The following RALGPS1 variants were observed in gnomAD, a reference collection of about 807,000 sequenced individuals.
RALGPS1 encodes ras-specific guanine nucleotide-releasing factor RalGPS1.
A neutral mutation model predicts 78.8 loss-of-function variants in RALGPS1; 19 were observed. That is an observed-to-expected ratio of 0.24 (90% confidence interval 0.17 to 0.35). The LOEUF is 0.35. Among genes scored for constraint, RALGPS1 ranks in the 10% least tolerant of loss-of-function variants. The pLI is 1.00. For synonymous variants in RALGPS1, 228 were observed against 256.3 expected (o/e 0.89, Z 1.06); for missense variants, 454 against 688.3 (o/e 0.66, Z 3.81).
At chr9:126,982,026 A>G (rs1301020715) in intron 4 of RALGPS1, among the ~76,000 whole-genome samples, 3 of 152,174 alleles carry the variant, frequency 2.0e-5, no homozygotes, top group Non-Finnish European at 2.9e-5. Context: ...TGCCATGTGG[A>G]ACTGTTCAGA....
intron 1 of RALGPS1, among the ~76,000 whole-genome samples, chr9:126,917,663 G>T (rs1396153251): frequency 2.6e-5 from 4 of 152,224 alleles, no homozygotes; most frequent in Non-Finnish European, 4.4e-5. Flanking sequence ...CGGGAGGGGA[G>T]AAGGCACCTG....
At chr9:126,968,088 C>T (rs747089044) in intron 3 of RALGPS1, among the ~76,000 whole-genome samples, 26 of 151,340 alleles carry the variant, frequency 1.7e-4, no homozygotes, top group African/African-American at 5.6e-4. Flanking sequence ...CTGAAACTTC[C>T]GCCTCCCAGG....
chr9:127,073,018 A>G (rs553769040), intron 8 of RALGPS1, among the ~76,000 whole-genome samples: 2 of 152,232 alleles, frequency 1.3e-5, no homozygotes, highest in Admixed American at 6.5e-5. Flanking sequence ...CATAGAATGT[A>G]TAATAATCAA....
intron 8 of RALGPS1, among the ~76,000 whole-genome samples, chr9:127,092,452 T>TG (rs2052600503): frequency 6.6e-6 from 1 of 151,474 alleles, no homozygotes; most frequent in African/African-American, 2.4e-5. Flanking sequence ...TTGTGGTTAT[T>TG]GTTTTTTTTT....
At chr9:126,923,823 G>A (rs1224236957) in intron 1 of RALGPS1, among the ~76,000 whole-genome samples, 3 of 152,178 alleles carry the variant, frequency 2.0e-5, no homozygotes, top group African/African-American at 7.2e-5. Context: ...ACTACACCTG[G>A]CTGACAACCT....
chr9:127,175,241 C>G (rs548810147), intron 11 of RALGPS1, among the ~76,000 whole-genome samples: 20 of 152,282 alleles, frequency 1.3e-4, no homozygotes, highest in African/African-American at 4.6e-4. Flanking sequence ...ATACACTGTC[C>G]CCTAGTGATT....
chr9:127,151,513 A>T (rs1402549278), intron 8 of RALGPS1, among the ~76,000 whole-genome samples: 1 of 152,222 alleles, frequency 6.6e-6, no homozygotes, highest in East Asian at 1.9e-4. Flanking sequence ...CAGCTACCAT[A>T]CAGCATCATA....
intron 4 of RALGPS1, among the ~76,000 whole-genome samples, chr9:127,003,946 C>A (rs1247939123): frequency 2.6e-5 from 4 of 152,200 alleles, no homozygotes; most frequent in African/African-American, 9.7e-5. Context: ...GAGTTCACCT[C>A]AGCACATTTA....
Position 127,127,614 on chromosome 9 carries a change from GT to G in RALGPS1, c.611-38454del, listed in dbSNP as rs148320451. On this transcript the variant is annotated intron_variant, in intron 8 of 18. Transcript: ENST00000259351. ...CACTAGAAGGTGAAAGAGATGTACT[GT>G]CCTCACAAGCCCTGTTGGAGCACCT... is the stretch of plus-strand genomic sequence containing the variant. Among the ~76,000 whole-genome samples the G allele has an allele frequency of 4.9e-3, 741 of 152,288 alleles. 8 individuals carry two copies. The highest frequency in any genetic ancestry group is 0.017 in the African/African-American group (709 of 41,556).
intron 1 of RALGPS1, among the ~76,000 whole-genome samples, chr9:126,960,453 C>T (rs984307589): frequency 1.3e-5 from 2 of 151,838 alleles, no homozygotes; most frequent in African/African-American, 2.4e-5. Context: ...AGGCTGTTCT[C>T]GAACTCCTGA....
At chr9:127,005,022 ACT>A (rs1564402483) in intron 4 of RALGPS1, among the ~76,000 whole-genome samples, 1 of 152,224 alleles carries the variant, frequency 6.6e-6, no homozygotes, top group Non-Finnish European at 1.5e-5. Context: ...ATGCTGCTTA[ACT>A]TAGACATGAC....
chr9:126,997,212 G>A (rs971294972), intron 4 of RALGPS1, among the ~76,000 whole-genome samples: 1 of 152,146 alleles, frequency 6.6e-6, no homozygotes, highest in Admixed American at 6.6e-5. Context: ...GAAATAAAGG[G>A]TATTCAATTA....
chr9:127,191,689 G>T (rs567506459), intron 11 of RALGPS1, among the ~76,000 whole-genome samples: 4 of 143,602 alleles, frequency 2.8e-5, no homozygotes, highest in African/African-American at 1.0e-4. Context: ...TTGTTTTTTG[G>T]GTTTTTTTTT....
chr9:126,952,158 G>C (rs1172717309), intron 1 of RALGPS1, among the ~76,000 whole-genome samples: 1 of 152,208 alleles, frequency 6.6e-6, no homozygotes. Context: ...CTTGTTCCTA[G>C]TACCTGTGGA....
At chr9:126,940,134 CCCTGAGGT>C (rs1234535547) in intron 1 of RALGPS1, among the ~76,000 whole-genome samples, 1 of 152,148 alleles carries the variant, frequency 6.6e-6, no homozygotes, top group East Asian at 1.9e-4. Context: ...GCAACCTGTG[CCCTGAGGT>C]CCTGTCACAC....
intron 7 of RALGPS1, among the ~76,000 whole-genome samples, chr9:127,055,717 C>T (rs1286019556): frequency 6.6e-6 from 1 of 152,174 alleles, no homozygotes; most frequent in Non-Finnish European, 1.5e-5. Flanking sequence ...ACCACCATAC[C>T]CCACTGAACA....
At chr9:127,126,144 C>T (rs2056599640) in intron 8 of RALGPS1, among the ~76,000 whole-genome samples, 1 of 152,096 alleles carries the variant, frequency 6.6e-6, no homozygotes, top group African/African-American at 2.4e-5. Context: ...TACCCCACCC[C>T]ACCCCTACCC....
chr9:127,140,305 C>T (rs905492266), intron 8 of RALGPS1, among the ~76,000 whole-genome samples: 1 of 152,208 alleles, frequency 6.6e-6, no homozygotes, highest in Admixed American at 6.5e-5. Context: ...GCTGCCCATT[C>T]CCAGACCCCA....
At chr9:127,210,755 C>T (rs1246811812) in intron 14 of RALGPS1, 40 of 1,550,610 alleles carry the variant, frequency 2.6e-5, no homozygotes, top group Non-Finnish European at 3.4e-5. Context: ...GGAATTCTCC[C>T]AGAACCCGGA....
Sources: allele counts gnomAD v4.1 joint callset (sites outside exome capture counted in the v4.1 genomes callset), GRCh38; gene constraint gnomAD v4.1.1; transcripts MANE v1.5; gene names NCBI Gene and HGNC (gene_info 2026-07-23, HGNC 2026-07-21).